The following HDAC9 variants were observed in gnomAD, a reference collection of about 807,000 sequenced individuals.
HDAC9 encodes histone deacetylase 9, also known as MEF-2 interacting transcription repressor (MITR) protein.
Under a neutral mutation model 139.4 loss-of-function variants are expected in HDAC9, and 41 were observed. The observed-to-expected ratio is 0.29, with a 90% CI of 0.23 to 0.38. The LOEUF is 0.38. Among genes scored for constraint, HDAC9 ranks in the 10% least tolerant of loss-of-function variants. The pLI is 1.00. For missense variants in HDAC9, 1,147 were observed against 1,297.0 expected, an observed-to-expected ratio of 0.88 and a Z score of 1.78; for synonymous variants, 517 against 476.2, an observed-to-expected ratio of 1.09 and a Z score of -1.12.
intron 2 of HDAC9, among the ~76,000 whole-genome samples, chr7:18,258,062 CAGTT>C (rs764828899): frequency 1.7e-4 from 26 of 152,194 alleles, no homozygotes; most frequent in Non-Finnish European, 3.2e-4. Context: ...ACTTAAAAGA[CAGTT>C]AGATAAGCCT....
intron 14 of HDAC9, among the ~76,000 whole-genome samples, chr7:18,754,617 C>A (rs1788724215): frequency 6.6e-6 from 1 of 152,074 alleles, no homozygotes; most frequent in South Asian, 2.1e-4. Context: ...GAACCATAAG[C>A]AACATACAGT....
At chr7:18,972,455 A>G (rs1784304822) in intron 24 of HDAC9, among the ~76,000 whole-genome samples, 1 of 138,440 alleles carries the variant, frequency 7.2e-6, no homozygotes, top group Non-Finnish European at 1.5e-5. Context: ...ATCTTAGCTC[A>G]CTGCAAGTTG....
intron 1 of HDAC9, chr7:18,151,916 T>C (rs1786808954): frequency 6.6e-6 from 1 of 152,248 alleles, no homozygotes; most frequent in South Asian, 2.1e-4. Flanking sequence ...TGTTTACAAT[T>C]CACTGAGCGT....
intron 23 of HDAC9, among the ~76,000 whole-genome samples, chr7:18,948,368 TG>T (rs1418556666): frequency 6.6e-6 from 1 of 152,026 alleles, no homozygotes; most frequent in African/African-American, 2.4e-5. Flanking sequence ...TTTAACAAAG[TG>T]GGTAGTTAAT....
chr7:18,403,213 A>C (rs959426407), intron 1 of HDAC9, among the ~76,000 whole-genome samples: 8 of 152,326 alleles, frequency 5.3e-5, no homozygotes, highest in Admixed American at 5.2e-4. Context: ...ATATACTTAC[A>C]TAGCAAGATA....
At chr7:18,635,408 A>G (rs1053326626) in intron 8 of HDAC9, among the ~76,000 whole-genome samples, 3 of 152,030 alleles carry the variant, frequency 2.0e-5, no homozygotes, top group African/African-American at 7.2e-5. Context: ...TATGAACTCT[A>G]TGTTTGAAGA....
At chr7:18,102,356 G>A (rs74918498) in intron 1 of HDAC9, among the ~76,000 whole-genome samples, 2,851 of 152,242 alleles carry the variant, frequency 0.019, 94 homozygotes, top group African/African-American at 0.065. Flanking sequence ...ATGGCAAGAA[G>A]ACTAGAGTTA....
intron 17 of HDAC9, among the ~76,000 whole-genome samples, chr7:18,824,944 A>G (rs1795300755): frequency 6.6e-6 from 1 of 152,236 alleles, no homozygotes; most frequent in South Asian, 2.1e-4. Flanking sequence ...ATTTGTCATG[A>G]AATAAAAGGG....
chr7:18,761,052 G>A (rs557255438), intron 14 of HDAC9, among the ~76,000 whole-genome samples: 1 of 152,288 alleles, frequency 6.6e-6, no homozygotes, highest in African/African-American at 2.4e-5. Context: ...CTGTTGTTCT[G>A]TACTTCAATA....
intron 13 of HDAC9, among the ~76,000 whole-genome samples, chr7:18,731,085 C>T (rs557285481): frequency 6.6e-6 from 1 of 152,308 alleles, no homozygotes; most frequent in African/African-American, 2.4e-5. Context: ...CACTGTAAGA[C>T]TTCAACATGC....
chr7:18,990,423 G>A (rs939112229), intron 25 of HDAC9, among the ~76,000 whole-genome samples: 60 of 152,350 alleles, frequency 3.9e-4, no homozygotes, highest in Non-Finnish European at 5.9e-4. Context: ...CTCCAGCTGC[G>A]TGCTGGGAGA....
intron 1 of HDAC9, among the ~76,000 whole-genome samples, chr7:18,337,248 C>T (rs1781650940): frequency 6.6e-6 from 1 of 151,618 alleles, no homozygotes; most frequent in African/African-American, 2.4e-5. Context: ...GAAAACCTTT[C>T]TTCCTTTCTT....
intron 13 of HDAC9, among the ~76,000 whole-genome samples, chr7:18,740,775 C>G (rs1218503466): frequency 6.6e-6 from 1 of 152,114 alleles, no homozygotes; most frequent in African/African-American, 2.4e-5. Context: ...GTGCTGGTTA[C>G]CCAAGGTGTG....
chr7:18,707,005 G>A (rs1783978743), intron 12 of HDAC9, among the ~76,000 whole-genome samples: 1 of 152,180 alleles, frequency 6.6e-6, no homozygotes, highest in Admixed American at 6.5e-5. Flanking sequence ...CAGCAGAGGA[G>A]TGAACAATGA....
At chr7:18,981,542 G>T (rs1320586864) in intron 25 of HDAC9, among the ~76,000 whole-genome samples, 1 of 152,106 alleles carries the variant, frequency 6.6e-6, no homozygotes, top group Non-Finnish European at 1.5e-5. Flanking sequence ...GGAAAAATTG[G>T]TTTCCTTGCC....
At chr7:18,289,808 C>A (rs780334), upstream of HDAC9, among the ~76,000 whole-genome samples, 16,039 of 152,132 alleles carry the variant, frequency 0.11, 1,854 homozygotes, top group African/African-American at 0.29. Context: ...CTCTCATTCA[C>A]CGCAGGCCTT....
chr7:18,355,363 T>C (rs1585331089), intron 1 of HDAC9, among the ~76,000 whole-genome samples: 2 of 152,274 alleles, frequency 1.3e-5, no homozygotes, highest in South Asian at 2.1e-4. Context: ...ATTTTCAACA[T>C]AGGCTCTTTA....
intron 2 of HDAC9, among the ~76,000 whole-genome samples, chr7:18,510,511 G>A (rs1436690339): frequency 6.6e-6 from 1 of 151,890 alleles, no homozygotes; most frequent in Non-Finnish European, 1.5e-5. Flanking sequence ...TCTTAGATAA[G>A]GGGCAAAAAT....
At chr7:18,602,120 A>C (rs1397085612) in intron 6 of HDAC9, among the ~76,000 whole-genome samples, 1 of 152,028 alleles carries the variant, frequency 6.6e-6, no homozygotes, top group African/African-American at 2.4e-5. Context: ...GTTATTAATT[A>C]TTGATTCATT....
Sources: allele counts gnomAD v4.1 joint callset (sites outside exome capture counted in the v4.1 genomes callset), GRCh38; gene constraint gnomAD v4.1.1; transcripts MANE v1.5; gene names NCBI Gene and HGNC (gene_info 2026-07-23, HGNC 2026-07-21).